Variants in FAR2 observed in about 807,000 individuals in gnomAD.
The protein encoded by FAR2 is epididymis secretory protein Li 81.
Under a neutral mutation model 56.0 loss-of-function variants are expected in FAR2, and 19 were observed. The ratio of observed to expected loss-of-function variants is 0.34; its 90% CI spans 0.24 to 0.50. The LOEUF is 0.50. Ranked by LOEUF, FAR2 falls within the 20% of genes least tolerant of loss-of-function variation. FAR2 has a pLI of 0.98. For missense variants in FAR2, 508 were observed against 642.2 expected (o/e 0.79, Z 2.26); for synonymous variants, 219 against 218.8 (o/e 1.00, Z -0.01).
rs1020534899 is a variant in FAR2, at chr12:29,259,266, G to A, written c.-38-11146G>A. ...TAGTAATTTTTCGCATCTAATGAAG[G>A]AAGGCCGGGGATGCTGCTAAGCATC... On this transcript the variant is annotated intron_variant, in intron 1 of 11. Coordinates refer to ENST00000536681, the MANE Select transcript of FAR2 (RefSeq NM_001271783.2). Among the ~76,000 whole-genome samples, 4 of 152,262 alleles carry A rather than the reference G, an allele frequency of 2.6e-5. No individual in the cohort carries two copies. In the South Asian group the frequency reaches 6.2e-4, roughly 24 times the overall value.
chr12:29,155,222 G>A (rs1244396670), intron 1 of FAR2, among the ~76,000 whole-genome samples: 6 of 152,204 alleles, frequency 3.9e-5, no homozygotes, highest in Non-Finnish European at 8.8e-5. Context: ...AGACTCCCCA[G>A]GGCCTCTTAG....
intron 1 of FAR2, among the ~76,000 whole-genome samples, chr12:29,180,773 T>C (rs536298121): frequency 2.2e-5 from 3 of 137,806 alleles, no homozygotes. Context: ...ATCTATCTAT[T>C]CTCTATCTGT....
intron 1 of FAR2, among the ~76,000 whole-genome samples, chr12:29,166,786 T>C (rs1949834210): frequency 6.6e-6 from 1 of 152,232 alleles, no homozygotes; most frequent in Non-Finnish European, 1.5e-5. Flanking sequence ...AGTTCACTCT[T>C]GGACAGTGAC....
chr12:29,206,892 A>C (rs1399138663), intron 1 of FAR2, among the ~76,000 whole-genome samples: 1 of 152,092 alleles, frequency 6.6e-6, no homozygotes, highest in Non-Finnish European at 1.5e-5. Flanking sequence ...CCTGGACATA[A>C]GGGCCATCTG....
chr12:29,271,540 T>C (rs991715158), intron 2 of FAR2, among the ~76,000 whole-genome samples: 1 of 152,226 alleles, frequency 6.6e-6, no homozygotes, highest in African/African-American at 2.4e-5. Flanking sequence ...ACAATCTCCT[T>C]TCCAGTGTGT....
intron 1 of FAR2, among the ~76,000 whole-genome samples, chr12:29,264,494 G>T (rs1948477402): frequency 6.6e-6 from 1 of 151,756 alleles, no homozygotes; most frequent in Non-Finnish European, 1.5e-5. Context: ...AGAGAAATAG[G>T]CCAGGTGCAT....
intron 2 of FAR2, among the ~76,000 whole-genome samples, chr12:29,290,078 T>TA (rs1948941320): frequency 6.6e-6 from 1 of 152,198 alleles, no homozygotes; most frequent in Admixed American, 6.5e-5. Flanking sequence ...GGAACCCTCA[T>TA]ATGCTGTTGG....
chr12:29,328,020 A>G (rs926345976), intron 10 of FAR2, among the ~76,000 whole-genome samples: 2 of 152,212 alleles, frequency 1.3e-5, no homozygotes, highest in African/African-American at 4.8e-5. Context: ...CAAAGGGCTA[A>G]TATCCAGAAT....
intron 1 of FAR2, among the ~76,000 whole-genome samples, chr12:29,234,657 TC>T (rs1947910180): frequency 6.6e-6 from 1 of 152,172 alleles, no homozygotes; most frequent in South Asian, 2.1e-4. Flanking sequence ...TCAGTGGTAC[TC>T]TTAACCTTCA....
At chr12:29,255,274 G>T (rs1288872203) in intron 1 of FAR2, among the ~76,000 whole-genome samples, 4 of 152,212 alleles carry the variant, frequency 2.6e-5, no homozygotes, top group East Asian at 1.9e-4. Context: ...GCCTTTCTCT[G>T]TGTCTGCCTA....
chr12:29,305,023 T>G (rs1949233328), intron 4 of FAR2, among the ~76,000 whole-genome samples: 1 of 152,238 alleles, frequency 6.6e-6, no homozygotes, highest in Non-Finnish European at 1.5e-5. Context: ...TGCATGTTTA[T>G]TACACTAATC....
chr12:29,287,539 A>G (rs552827570), intron 2 of FAR2, among the ~76,000 whole-genome samples: 7 of 152,212 alleles, frequency 4.6e-5, no homozygotes, highest in African/African-American at 7.2e-5. Context: ...AAAAAAAATT[A>G]CAGTGTCTCT....
intron 1 of FAR2, among the ~76,000 whole-genome samples, chr12:29,216,318 ATACTGCCC>A (rs1947621040): frequency 6.6e-6 from 1 of 152,150 alleles, no homozygotes; most frequent in Non-Finnish European, 1.5e-5. Context: ...ATCTTCAATG[ATACTGCCC>A]AATACTGTTA....
At chr12:29,176,441 G>A (rs1158310638) in intron 1 of FAR2, among the ~76,000 whole-genome samples, 2 of 152,060 alleles carry the variant, frequency 1.3e-5, no homozygotes, top group Non-Finnish European at 2.9e-5. Context: ...ACAACGTTTT[G>A]AACATCTTTA....
chr12:29,313,228 G>A (rs748397810), intron 8 of FAR2, among the ~76,000 whole-genome samples: 4 of 152,040 alleles, frequency 2.6e-5, no homozygotes, highest in African/African-American at 7.2e-5. Context: ...CAGCTGGGTC[G>A]GTGAACATGG....
chr12:29,220,897 G>A (rs1356251913), intron 1 of FAR2, among the ~76,000 whole-genome samples: 1 of 152,096 alleles, frequency 6.6e-6, no homozygotes, highest in Non-Finnish European at 1.5e-5. Flanking sequence ...TTTGACCTTC[G>A]ACTTAGGGTT....
chr12:29,246,345 GA>G (rs1948127934), intron 1 of FAR2, among the ~76,000 whole-genome samples: 1 of 152,108 alleles, frequency 6.6e-6, no homozygotes, highest in South Asian at 2.1e-4. Context: ...TTATTGATTT[GA>G]AAAGATATCT....
chr12:29,280,184 C>T (rs951520473), intron 2 of FAR2, among the ~76,000 whole-genome samples: 7 of 152,154 alleles, frequency 4.6e-5, no homozygotes, highest in Non-Finnish European at 1.0e-4. Flanking sequence ...CTCGGCCTCC[C>T]AAAGTATTGG....
At chr12:29,265,514 G>T (rs1044528925) in intron 1 of FAR2, among the ~76,000 whole-genome samples, 1 of 152,078 alleles carries the variant, frequency 6.6e-6, no homozygotes, top group African/African-American at 2.4e-5. Flanking sequence ...CTTGCCATTT[G>T]CAAAAATCAA....
Sources: gnomAD v4.1 joint callset for allele counts (sites outside exome capture counted in the v4.1 genomes callset) on GRCh38, gnomAD v4.1.1 for gene constraint, MANE v1.5 for transcripts, NCBI Gene and HGNC (gene_info 2026-07-23, HGNC 2026-07-21) for gene names.